Variants in USP54 observed in about 807,000 individuals in gnomAD.
USP54 encodes the protein ubiquitin carboxyl-terminal hydrolase 54.
Under a neutral mutation model 170.5 loss-of-function variants are expected in USP54, and 87 were observed. That is an observed-to-expected ratio of 0.51 (90% CI 0.43 to 0.61). The LOEUF is 0.61. USP54 is among the 20% of genes least tolerant of loss of function. The pLI, the probability that USP54 is intolerant of heterozygous loss-of-function variation, is 0.00. For missense variants in USP54, 1,786 were observed against 2,047.8 expected (o/e 0.87, Z 2.47); for synonymous variants, 655 against 742.8 (o/e 0.88, Z 1.92).
At chr10:73,559,205 G>C (rs1173522463) in intron 4 of USP54, among the ~76,000 whole-genome samples, 5 of 152,256 alleles carry the variant, frequency 3.3e-5, no homozygotes, top group African/African-American at 1.2e-4. Flanking sequence ...TGGATCACCT[G>C]AAGTTGGGAG....
rs765099501 is a variant in USP54, at chr10:73,541,530, C to G, written c.679-9G>C. On this transcript the variant is annotated splice_polypyrimidine_tract_variant and intron_variant, in intron 8 of 23. Coordinates refer to ENST00000687698, the MANE Select transcript of USP54 (RefSeq NM_001391956.1). The stretch of plus-strand genomic sequence containing the variant: ...CTCTCTCCACAGTTGCTCTGAAATA[C>G]ATATATAAGGCTAGTTCAACATGTT... 1 of 1,614,144 alleles carries G rather than the reference C, an allele frequency of 6.2e-7. No individual in the cohort carries two copies. The highest frequency in any genetic ancestry group is 1.7e-5 in the Admixed American group (1 of 60,018).
At chr10:73,604,199 A>T (rs1171353022) in intron 1 of USP54, among the ~76,000 whole-genome samples, 1 of 152,030 alleles carries the variant, frequency 6.6e-6, no homozygotes, top group Non-Finnish European at 1.5e-5. Context: ...CAGTGAGCCG[A>T]GATCGCACCA....
At chr10:73,617,116 G>A (rs1313797074) in intron 1 of USP54, among the ~76,000 whole-genome samples, 2 of 150,140 alleles carry the variant, frequency 1.3e-5, no homozygotes, top group South Asian at 2.1e-4. Flanking sequence ...TGACCAACAC[G>A]GAGAAACCCG....
In USP54 at chr10:73,530,755, G is replaced by A. The variant is rs1475960421; in HGVS notation, c.1396C>T (p.Arg466Trp). The change falls in exon 13 of 24, where the codon CGG becomes TGG. Residue 466 changes from arginine (R) to tryptophan (W), a missense_variant. Physicochemically the swap from Arg to Trp is moderately radical, Grantham distance 101. Around this residue, in one of 3 missense-constraint regions of USP54, gnomAD observed 1,418 missense variants for 1,569.0 expected, o/e 0.90. Transcript: ENST00000687698. ...SLIERKRSSG[R>W]VRRKGDEPQA... ...GGCTCATCGCCTTTCCTCCTAACCC[G>A]ACCAGAGCTCCTCTTGCGCTCTATC... 1.9e-6 allele frequency: 3 copies of A among 1,613,938 alleles called. No homozygotes were observed. Among genetic ancestry groups the A allele is most frequent in the South Asian group, 2.2e-5 (2 of 91,026 alleles).
At chr10:73,508,912 C>T (rs1031951865) in intron 20 of USP54, among the ~76,000 whole-genome samples, 1 of 151,298 alleles carries the variant, frequency 6.6e-6, no homozygotes. Context: ...GTGATCTGCC[C>T]ACCTTGGCCT....
chr10:73,592,296 TTG>T (rs1322729652), upstream of USP54, among the ~76,000 whole-genome samples: 2 of 152,098 alleles, frequency 1.3e-5, no homozygotes, highest in Admixed American at 1.3e-4. Flanking sequence ...TGAAGGTCTG[TTG>T]TGTTTCTATA....
intron 1 of USP54, among the ~76,000 whole-genome samples, chr10:73,607,873 G>A (rs2079807072): frequency 1.3e-5 from 2 of 151,632 alleles, no homozygotes; most frequent in South Asian, 2.1e-4. Flanking sequence ...ATCCTTCAGA[G>A]GAAGAAATGT....
intron 4 of USP54, among the ~76,000 whole-genome samples, chr10:73,552,353 C>A (rs2133617294): frequency 6.7e-6 from 1 of 149,372 alleles, no homozygotes; most frequent in South Asian, 2.1e-4. Flanking sequence ...GCGGAGGTTG[C>A]AGTGAGCTGA....
At chr10:73,578,593 G>T (rs1168860233) in intron 1 of USP54, among the ~76,000 whole-genome samples, 1 of 152,038 alleles carries the variant, frequency 6.6e-6, no homozygotes, top group Non-Finnish European at 1.5e-5. Context: ...TGTATTTTTA[G>T]TAGAGACGGG....
upstream of USP54, among the ~76,000 whole-genome samples, chr10:73,593,076 A>G (rs2078413640): frequency 6.6e-6 from 1 of 152,132 alleles, no homozygotes; most frequent in Non-Finnish European, 1.5e-5. Context: ...AAGGTTTTAT[A>G]GGCCGGGTGC....
intron 9 of USP54, among the ~76,000 whole-genome samples, chr10:73,540,710 T>A (rs2066439752): frequency 6.6e-6 from 1 of 152,204 alleles, no homozygotes; most frequent in South Asian, 2.1e-4. Context: ...TCCTCCCACC[T>A]CAGCCTCCTG....
At chr10:73,547,110 T>C (rs1009439753) in intron 4 of USP54, among the ~76,000 whole-genome samples, 3 of 152,212 alleles carry the variant, frequency 2.0e-5, no homozygotes, top group African/African-American at 4.8e-5. Flanking sequence ...TGAACCCTGA[T>C]GAATATCATG....
chr10:73,532,127 G>A (rs1380017394), intron 12 of USP54, among the ~76,000 whole-genome samples: 2 of 151,940 alleles, frequency 1.3e-5, no homozygotes, highest in African/African-American at 4.8e-5. Flanking sequence ...CTACCTCTGT[G>A]CCCACAAGAA....
Position 73,504,857 on chromosome 10 carries a change from T to C in USP54, c.4304A>G (p.His1435Arg), listed in dbSNP as rs61742806. ...GACCCTGATTCTACTTACAAAACTG[T>C]GGGAAGAAACCGGAGCTTCCTCCCT... ...SEREEAPVSS[H>R]SFDSSNVRKP... The change falls in exon 22 of 24, where the codon CAC (histidine) becomes CGC (arginine). Residue 1435 changes from histidine (H) to arginine (R), a missense_variant. This residue lies in a region of USP54 where 1,418 missense variants were observed against 1,569.0 expected (regional missense o/e 0.90). Transcript: ENST00000687698. 2.5e-6 allele frequency: 4 copies of C among 1,614,174 alleles called. No individual in the cohort carries two copies. The highest frequency in any genetic ancestry group is 1.1e-5 in the South Asian group (1 of 91,084).
intron 4 of USP54, among the ~76,000 whole-genome samples, chr10:73,568,744 G>A (rs112829803): frequency 3.9e-5 from 6 of 152,228 alleles, no homozygotes; most frequent in African/African-American, 1.2e-4. Flanking sequence ...CCAAAATATA[G>A]CCTTTGATAA....
In USP54 at chr10:73,575,612, T is replaced by C; in HGVS notation, c.47A>G (p.Gln16Arg). 6.2e-7 allele frequency: 1 copy of C among 1,613,656 alleles called. No homozygotes were observed. ...TGAGCTTCGAGGTGCAAACATCCCT[T>C]GTACACTACCACGACCCCCTGAAAA... Reference protein sequence around the residue: ...NYFSGGRGSVQGMFAPRSSTS... With the variant: ...NYFSGGRGSVRGMFAPRSSTS... Residue 16 changes from glutamine (Q) to arginine (R), a missense_variant, in exon 3 of 24, where the codon CAA becomes CGA. Physicochemically the swap from Gln to Arg is conservative, Grantham distance 43. Coordinates refer to ENST00000687698, the MANE Select transcript of USP54 (RefSeq NM_001391956.1).
chr10:73,537,099 G>A (rs2065391811), intron 10 of USP54, among the ~76,000 whole-genome samples: 2 of 152,138 alleles, frequency 1.3e-5, no homozygotes, highest in South Asian at 4.1e-4. Flanking sequence ...GCTTGAACCA[G>A]TCACATTTCT....
At chr10:73,606,639 G>C (rs1216734349) in intron 1 of USP54, among the ~76,000 whole-genome samples, 1 of 152,180 alleles carries the variant, frequency 6.6e-6, no homozygotes, top group East Asian at 1.9e-4. Flanking sequence ...AGCACTTTGG[G>C]AGGCCGAGGT....
intron 1 of USP54, among the ~76,000 whole-genome samples, chr10:73,605,695 T>A (rs1051596597): frequency 6.6e-6 from 1 of 152,118 alleles, no homozygotes; most frequent in African/African-American, 2.4e-5. Flanking sequence ...ACAACACAGA[T>A]GAACTTGAGG....
Sources: gnomAD v4.1 joint callset for allele counts (sites outside exome capture counted in the v4.1 genomes callset) on GRCh38, gnomAD v4.1.1 for gene constraint, gnomAD v4.1.1 regional missense constraint, MANE v1.5 for transcripts, NCBI Gene and HGNC (gene_info 2026-07-23, HGNC 2026-07-21) for gene names.